Variants in ANO3 observed in about 807,000 individuals in gnomAD.
The protein encoded by ANO3 is anoctamin-3.
ANO3 carries 99 observed loss-of-function variants against 144.8 expected under a neutral mutation model. The ratio of observed to expected loss-of-function variants is 0.68; its 90% CI spans 0.58 to 0.81. The LOEUF is 0.81. ANO3 is among the 30% of genes least tolerant of loss of function. The probability of loss-of-function intolerance (pLI) is 0.00; values close to 1 mark genes in which losing one functional copy is unlikely to be tolerated. For synonymous variants in ANO3, 414 were observed against 392.6 expected, an observed-to-expected ratio of 1.05 and a Z score of -0.64; for missense variants, 905 against 1,202.2, an observed-to-expected ratio of 0.75 and a Z score of 3.66.
intron 24 of ANO3, among the ~76,000 whole-genome samples, chr11:26,653,526 A>G (rs1213738585): frequency 6.6e-6 from 1 of 152,078 alleles, no homozygotes; most frequent in African/African-American, 2.4e-5. Context: ...CATGTGCTCA[A>G]AACTCAGTAG....
chr11:26,448,463 A>G (rs541939150), intron 3 of ANO3, among the ~76,000 whole-genome samples: 3 of 152,304 alleles, frequency 2.0e-5, no homozygotes, highest in Non-Finnish European at 4.4e-5. Context: ...AGAGTTCTGA[A>G]ACATTTATTT....
At chr11:26,419,127 G>T (rs12280330) in intron 1 of ANO3, among the ~76,000 whole-genome samples, 13,788 of 152,112 alleles carry the variant, frequency 0.091, 1,269 homozygotes, top group African/African-American at 0.24. Flanking sequence ...AGGCAAAGAG[G>T]AAGCCAGCAC....
chr11:26,525,647 T>G lies in ANO3; in HGVS notation c.705T>G (p.Tyr235Ter). The G allele has an allele frequency of 6.2e-7, 1 of 1,611,090 alleles. No individual in the cohort carries two copies. Among genetic ancestry groups the G allele is most frequent in the South Asian group, 1.1e-5 (1 of 90,430 alleles). ...ATTATTTTTTCAGGAAAAAATGCTA[T>G]TACACTGACGGGAGGAGCAAATCAA... The part of the protein sequence containing the change: ...NIRMPFRKKC[Y>*]YTDGRSKSMG... The change falls in exon 7 of 27, where the codon TAT becomes TAG. Residue 235 changes from tyrosine to a stop codon, truncating the protein, a stop_gained. Transcript: ENST00000256737. LOFTEE classifies it high-confidence loss of function.
intron 1 of ANO3, among the ~76,000 whole-genome samples, chr11:26,209,166 C>T (rs1394948925): frequency 1.3e-5 from 2 of 152,108 alleles, no homozygotes; most frequent in Non-Finnish European, 2.9e-5. Context: ...CCTTGACAGG[C>T]CCCAGTGCAT....
intron 14 of ANO3, among the ~76,000 whole-genome samples, chr11:26,573,529 T>A (rs746571243): frequency 6.6e-6 from 1 of 152,194 alleles, no homozygotes; most frequent in Non-Finnish European, 1.5e-5. Context: ...TGGGCAGGAC[T>A]GGGTGCACCT....
At chr11:26,465,320 T>TAGA (rs33982722) in intron 4 of ANO3, among the ~76,000 whole-genome samples, 11 of 104,756 alleles carry the variant, frequency 1.1e-4, no homozygotes, top group African/African-American at 2.2e-4. Context: ...AGATAGATAG[T>TAGA]TAAATTATAT....
intron 24 of ANO3, among the ~76,000 whole-genome samples, chr11:26,649,009 T>C (rs1440456136): frequency 2.0e-5 from 3 of 152,250 alleles, no homozygotes; most frequent in Admixed American, 6.5e-5. Context: ...CCTTTATGTA[T>C]TGCATATCGT....
intron 1 of ANO3, among the ~76,000 whole-genome samples, chr11:26,342,800 C>T (rs1394968606): frequency 2.0e-5 from 3 of 152,100 alleles, no homozygotes; most frequent in Non-Finnish European, 4.4e-5. Context: ...GTTGGTTTCA[C>T]CATTTCACAC....
intron 1 of ANO3, among the ~76,000 whole-genome samples, chr11:26,425,986 C>T (rs991678143): frequency 5.9e-5 from 9 of 151,996 alleles, no homozygotes; most frequent in South Asian, 2.1e-4. Context: ...TTACTTTTCC[C>T]GTGTAGTCTT....
chr11:26,598,032 G>C (rs1316344513), intron 14 of ANO3, among the ~76,000 whole-genome samples: 1 of 152,100 alleles, frequency 6.6e-6, no homozygotes, highest in Non-Finnish European at 1.5e-5. Context: ...CTTTATTTGA[G>C]TCTTTAGATA....
At chr11:26,372,382 C>T (rs1031488376) in intron 1 of ANO3, among the ~76,000 whole-genome samples, 2 of 152,272 alleles carry the variant, frequency 1.3e-5, no homozygotes, top group Middle Eastern at 3.4e-3. Flanking sequence ...TCAGGTATGT[C>T]TTTATTACCA....
At position 26,660,613 on chromosome 11, in the gene ANO3, T is replaced by C. The variant is rs996885479; in HGVS notation, c.*169T>C. The C allele has an allele frequency of 3.3e-5, 20 of 602,910 alleles. 1 individual carries two copies. The highest frequency in any genetic ancestry group is 1.1e-4 in the Admixed American group (3 of 26,822). 37.3% of individuals were successfully genotyped at this position (602,910 alleles called of 1,614,324 possible). On this transcript the variant is annotated 3_prime_UTR_variant, in exon 27 of 27. Transcript: ENST00000256737. ...CTGGGATTTGAAATATCCAGACTTG[T>C]AGGGAAGAAAACAATGACTTGACGA...
chr11:26,590,858 A>G (rs1462086862), intron 14 of ANO3, among the ~76,000 whole-genome samples: 1 of 152,124 alleles, frequency 6.6e-6, no homozygotes, highest in Non-Finnish European at 1.5e-5. Flanking sequence ...AGCCGTAACA[A>G]ACACGGACCA....
chr11:26,234,769 A>G (rs1049557600), intron 1 of ANO3, among the ~76,000 whole-genome samples: 1 of 152,146 alleles, frequency 6.6e-6, no homozygotes, highest in African/African-American at 2.4e-5. Context: ...TCAGAGAATC[A>G]GAGCCAATAG....
chr11:26,329,673 GT>G (rs374413540), upstream of ANO3, among the ~76,000 whole-genome samples: 143 of 152,252 alleles, frequency 9.4e-4, 3 homozygotes, highest in East Asian at 0.02. Context: ...CTCATTTCTA[GT>G]TCTGGCAGAT....
At chr11:26,332,421 A>G in intron 1 of ANO3, 100 bp downstream of exon 1, 1 of 1,115,956 alleles carries the variant, frequency 9.0e-7, no homozygotes, top group Non-Finnish European at 1.4e-6. Flanking sequence ...TATGCGACAC[A>G]GAGGTGGGGA....
intron 1 of ANO3, among the ~76,000 whole-genome samples, chr11:26,341,621 G>A (rs1166990063): frequency 2.0e-5 from 3 of 152,166 alleles, no homozygotes; most frequent in Admixed American, 6.6e-5. Context: ...ATATGAAAAG[G>A]GGTTTATTAA....
intron 5 of ANO3, among the ~76,000 whole-genome samples, chr11:26,510,241 A>T (rs1426743926): frequency 6.6e-6 from 1 of 152,100 alleles, no homozygotes; most frequent in Non-Finnish European, 1.5e-5. Flanking sequence ...TTGACTCTTT[A>T]CAAGGAATTA....
At chr11:26,352,912 A>T (rs971805554) in intron 1 of ANO3, among the ~76,000 whole-genome samples, 2 of 152,196 alleles carry the variant, frequency 1.3e-5, no homozygotes, top group Admixed American at 1.3e-4. Flanking sequence ...TCAGTGGGCT[A>T]GGGGAGGTCA....
Sources: gnomAD v4.1 joint callset for allele counts (sites outside exome capture counted in the v4.1 genomes callset) on GRCh38, gnomAD v4.1.1 for gene constraint, MANE v1.5 for transcripts, NCBI Gene and HGNC (gene_info 2026-07-23, HGNC 2026-07-21) for gene names.